UST: variants seen among roughly 807,000 people sequenced by gnomAD.
UST encodes chondroitin sulfate 2-O-sulfotransferase.
UST carries 21 observed loss-of-function variants against 45.6 expected under a neutral mutation model. The observed-to-expected ratio is 0.46, with a 90% confidence interval of 0.33 to 0.66. UST has a LOEUF of 0.66. Among genes scored for constraint, UST ranks in the 30% least tolerant of loss-of-function variants. The pLI is 0.02. For missense variants in UST, 463 were observed against 512.4 expected (o/e 0.90, Z 0.93); for synonymous variants, 215 against 200.6 (o/e 1.07, Z -0.61).
intron 1 of UST, among the ~76,000 whole-genome samples, chr6:148,864,186 C>T (rs1387336539): frequency 6.6e-6 from 1 of 152,228 alleles, no homozygotes; most frequent in South Asian, 2.1e-4. Context: ...TGTTTACCTA[C>T]TCAAGCCTCA....
chr6:148,883,682 G>A (rs191308593), intron 1 of UST, among the ~76,000 whole-genome samples: 10 of 152,254 alleles, frequency 6.6e-5, no homozygotes, highest in Admixed American at 5.2e-4. Flanking sequence ...AGATAGATAC[G>A]GAGAAATTAA....
At chr6:148,833,964 A>G (rs1192569666) in intron 1 of UST, among the ~76,000 whole-genome samples, 1 of 152,182 alleles carries the variant, frequency 6.6e-6, no homozygotes, top group Non-Finnish European at 1.5e-5. Flanking sequence ...TGATTTTGAC[A>G]GAGGTAGTTG....
At chr6:148,995,458 TCTC>T (rs148853634) in intron 5 of UST, among the ~76,000 whole-genome samples, 2,367 of 152,330 alleles carry the variant, frequency 0.016, 58 homozygotes, top group African/African-American at 0.054. Flanking sequence ...AGGGTTTTCT[TCTC>T]TATTTCACAG....
intron 5 of UST, among the ~76,000 whole-genome samples, chr6:149,010,913 A>AAAAAAAAC (rs755674810): frequency 0.29 from 26,880 of 94,190 alleles, 3,762 homozygotes; most frequent in South Asian, 0.44. Flanking sequence ...AAAAAAAAAA[A>AAAAAAAAC]AAAAAACTGT....
At chr6:148,896,933 A>G (rs894511866) in intron 2 of UST, among the ~76,000 whole-genome samples, 7 of 152,162 alleles carry the variant, frequency 4.6e-5, no homozygotes, top group Non-Finnish European at 8.8e-5. Context: ...AAAAGAGGAT[A>G]GTAATGCCCA....
At chr6:148,984,234 C>G (rs951114344) in intron 5 of UST, among the ~76,000 whole-genome samples, 15 of 152,214 alleles carry the variant, frequency 9.9e-5, no homozygotes, top group Admixed American at 9.8e-4. Context: ...ATGAAAAACA[C>G]AGATGTGGTT....
intron 2 of UST, among the ~76,000 whole-genome samples, chr6:148,937,404 T>C (rs1780044971): frequency 6.6e-6 from 1 of 152,214 alleles, no homozygotes; most frequent in African/African-American, 2.4e-5. Flanking sequence ...AGACGCGTTC[T>C]TTTTAAATAA....
chr6:149,017,475 T>C (rs1261378753), intron 5 of UST, among the ~76,000 whole-genome samples: 2 of 152,236 alleles, frequency 1.3e-5, no homozygotes, highest in Non-Finnish European at 2.9e-5. Flanking sequence ...TCTTCCTTTA[T>C]GCCAACCACC....
At chr6:148,888,727 G>A (rs768196601) in intron 2 of UST, among the ~76,000 whole-genome samples, 33 of 152,176 alleles carry the variant, frequency 2.2e-4, no homozygotes, top group Non-Finnish European at 4.0e-4. Flanking sequence ...TATCACAGTC[G>A]TGGAATGGTT....
At chr6:148,846,773 A>G (rs1335461848) in intron 1 of UST, among the ~76,000 whole-genome samples, 1 of 152,274 alleles carries the variant, frequency 6.6e-6, no homozygotes, top group Non-Finnish European at 1.5e-5. Context: ...AGAATTGTAG[A>G]AACAGTTGTC....
chr6:149,063,705 C>G (rs954131356), intron 7 of UST, among the ~76,000 whole-genome samples: 8 of 152,168 alleles, frequency 5.3e-5, no homozygotes, highest in Non-Finnish European at 1.2e-4. Flanking sequence ...TCTGACAGCA[C>G]CCTCGTCCTT....
intron 5 of UST, among the ~76,000 whole-genome samples, chr6:148,979,339 C>A (rs1359441383): frequency 6.6e-6 from 1 of 152,160 alleles, no homozygotes; most frequent in Non-Finnish European, 1.5e-5. Flanking sequence ...TGAAAAACAA[C>A]TGGAGGCTTA....
intron 5 of UST, among the ~76,000 whole-genome samples, chr6:148,980,062 G>T (rs1041337159): frequency 7.9e-5 from 12 of 152,016 alleles, no homozygotes; most frequent in Non-Finnish European, 1.8e-4. Flanking sequence ...AAGTCCTTTG[G>T]TCCTTCATCT....
At position 148,891,162 on chromosome 6, in the gene UST, G is replaced by A. The variant is rs150660054; in HGVS notation, c.291+4133G>A. ...TGGTATGAGAGAAGATTACAGTTGG[G>A]TTTAAAGGCTTCAGTGCCGTGGCCT... On this transcript the variant is annotated intron_variant, in intron 2 of 7. Transcript: ENST00000367463. 5.9e-5 allele frequency among the ~76,000 whole-genome samples: 9 copies of A among 152,284 alleles called. No homozygotes were observed. The East Asian group carries it at 1.7e-3, about 29-fold the overall frequency.
intron 7 of UST, among the ~76,000 whole-genome samples, chr6:149,058,439 C>T (rs146661866): frequency 3.4e-4 from 51 of 151,592 alleles, no homozygotes; most frequent in Middle Eastern, 3.4e-3. Flanking sequence ...GAGAAGTACC[C>T]TAGGCCTGCA....
chr6:149,040,554 C>G (rs752067234), intron 7 of UST, among the ~76,000 whole-genome samples: 7 of 152,148 alleles, frequency 4.6e-5, no homozygotes, highest in Middle Eastern at 3.2e-3. Flanking sequence ...ACTCGGGAGG[C>G]TGAGGCAGGA....
chr6:148,758,842 GA>G (rs1776147162), intron 1 of UST, among the ~76,000 whole-genome samples: 1 of 152,230 alleles, frequency 6.6e-6, no homozygotes, highest in Admixed American at 6.5e-5. Flanking sequence ...TTATTTCGTA[GA>G]AAGTTGTATT....
Position 148,964,879 on chromosome 6 carries a change from A to G in UST, c.681+316A>G, listed in dbSNP as rs542028411. ...GACTAGCACTGTAGTGCTTAAGAAG[A>G]ACAAAGGTGTTGGGGGGGTGTCTGT... On this transcript the variant is annotated intron_variant, in intron 5 of 7. Coordinates refer to ENST00000367463, the MANE Select transcript of UST (RefSeq NM_005715.3). Among the ~76,000 whole-genome samples, 3 of 152,308 alleles carry G rather than the reference A, an allele frequency of 2.0e-5. No homozygotes were observed. In the South Asian group the frequency reaches 6.2e-4, roughly 32 times the overall value.
chr6:148,848,896 C>T lies in UST; in HGVS notation c.248-38090C>T, dbSNP rs74705342. On this transcript the variant is annotated intron_variant, in intron 1 of 7. Coordinates refer to ENST00000367463, the MANE Select transcript of UST (RefSeq NM_005715.3). ...CAGTCCAAGTCAGAAGGCCCAAGAA[C>T]CAAGGAGGCTAGTGCTGTCACTTTC... Among the ~76,000 whole-genome samples the T allele has an allele frequency of 9.7e-3, 1,481 of 152,178 alleles. 21 individuals carry two copies. Among genetic ancestry groups the T allele is most frequent in the African/African-American group, 0.034 (1,394 of 41,518 alleles).
Sources: allele counts gnomAD v4.1 joint callset (sites outside exome capture counted in the v4.1 genomes callset), GRCh38; gene constraint gnomAD v4.1.1; transcripts MANE v1.5; gene names NCBI Gene and HGNC (gene_info 2026-07-23, HGNC 2026-07-21).